The following NRXN1 variants were observed in gnomAD, a reference collection of about 807,000 sequenced individuals.
NRXN1 encodes the protein neurexin-1.
A neutral mutation model predicts 150.9 loss-of-function variants in NRXN1; 39 were observed. The ratio of observed to expected loss-of-function variants is 0.26; its 90% CI spans 0.20 to 0.34. NRXN1 has a LOEUF of 0.34. Among genes scored for constraint, NRXN1 ranks in the 10% least tolerant of loss-of-function variants. NRXN1 has a pLI of 1.00. For synonymous variants in NRXN1, 924 were observed against 757.0 expected (o/e 1.22, Z -3.62); for missense variants, 1,815 against 1,949.9 (o/e 0.93, Z 1.30).
chr2:50,881,337 T>G (rs1180233061), intron 5 of NRXN1, among the ~76,000 whole-genome samples: 3 of 151,930 alleles, frequency 2.0e-5, no homozygotes, highest in African/African-American at 7.2e-5. Flanking sequence ...ATATACACAT[T>G]TCTCCCTTGT....
intron 5 of NRXN1, among the ~76,000 whole-genome samples, chr2:50,882,975 T>G (rs533429838): frequency 1.3e-5 from 2 of 151,956 alleles, no homozygotes; most frequent in African/African-American, 4.8e-5. Context: ...CATACATATT[T>G]GGTAACAGAC....
intron 5 of NRXN1, among the ~76,000 whole-genome samples, chr2:50,635,874 G>A (rs902649471): frequency 6.6e-6 from 1 of 152,132 alleles, no homozygotes; most frequent in African/African-American, 2.4e-5. Context: ...CATTTACAAT[G>A]AAGGCTACTT....
intron 2 of NRXN1, among the ~76,000 whole-genome samples, chr2:50,942,709 T>C (rs141457937): frequency 6.6e-6 from 1 of 152,206 alleles, no homozygotes; most frequent in Non-Finnish European, 1.5e-5. Context: ...AAACTTCCAT[T>C]GTATCTTGAA....
intron 5 of NRXN1, among the ~76,000 whole-genome samples, chr2:50,899,306 T>G (rs1386045678): frequency 6.6e-6 from 1 of 152,188 alleles, no homozygotes; most frequent in Non-Finnish European, 1.5e-5. Flanking sequence ...TTGAAAACGT[T>G]ATCAGATAAA....
At chr2:50,192,518 C>A (rs1401215826) in intron 18 of NRXN1, among the ~76,000 whole-genome samples, 2 of 147,366 alleles carry the variant, frequency 1.4e-5, no homozygotes, top group Admixed American at 1.4e-4. Flanking sequence ...TAGCAGGTTA[C>A]AAAATAGTTT....
At chr2:50,763,616 C>T (rs918910695) in intron 5 of NRXN1, among the ~76,000 whole-genome samples, 6 of 151,806 alleles carry the variant, frequency 4.0e-5, no homozygotes, top group African/African-American at 1.2e-4. Flanking sequence ...TTCTGCTCTC[C>T]AGCCAACTTG....
At position 50,506,527 on chromosome 2, in the gene NRXN1, T is replaced by G. The variant is rs749919086; in HGVS notation, c.2465A>C (p.Lys822Thr). The G allele has an allele frequency of 6.2e-7, 1 of 1,612,932 alleles. No homozygotes were observed. The highest frequency in any genetic ancestry group is 1.1e-5 in the South Asian group (1 of 90,992). ...GGCCTGTTGGTCATCCACTGTTAAC[T>G]TTAAACTTTTTCCACGCCGAACTAC... ...VRVVRRGKSL[K>T]LTVDDQQAMT... The change falls in exon 13 of 23, where the codon AAG becomes ACG. Residue 822 changes from lysine to threonine, a missense_variant. Physicochemically the swap from Lys to Thr is moderately conservative, Grantham distance 78 (BLOSUM62 -1). Coordinates refer to ENST00000401669, the MANE Select transcript of NRXN1 (RefSeq NM_001330078.2).
Position 51,027,967 on chromosome 2 carries a change from G to C in NRXN1, c.307C>G (p.Leu103Val). The C allele has an allele frequency of 6.2e-7, 1 of 1,602,130 alleles. No homozygotes were observed. Among genetic ancestry groups the C allele is most frequent in the Non-Finnish European group, 8.5e-7 (1 of 1,179,426 alleles). The change falls in exon 2 of 23, where the codon CTC becomes GTC. Residue 103 changes from leucine to valine, a missense_variant. By Grantham distance (32) the Leu-to-Val change is conservative (BLOSUM62 1). Transcript: ENST00000401669. ...TCGTTAACCGGCGTGTCGGCCAGGA[G>C]CGTCGCAGGCTCAGCGCAGAAGATG... ...FSIFCAEPAT[L>V]LADTPVNDGA...
At chr2:50,164,282 TC>T (rs1015303720) in intron 18 of NRXN1, among the ~76,000 whole-genome samples, 1 of 152,138 alleles carries the variant, frequency 6.6e-6, no homozygotes, top group Non-Finnish European at 1.5e-5. Context: ...CACTCTCTGC[TC>T]CCCAAGTTAA....
At chr2:50,313,945 A>G (rs1458609685) in intron 17 of NRXN1, among the ~76,000 whole-genome samples, 1 of 152,132 alleles carries the variant, frequency 6.6e-6, no homozygotes, top group Non-Finnish European at 1.5e-5. Context: ...AGCACAGTAT[A>G]CAAGGAATTT....
At chr2:50,452,688 G>T (rs1439199164) in intron 17 of NRXN1, among the ~76,000 whole-genome samples, 1 of 152,196 alleles carries the variant, frequency 6.6e-6, no homozygotes, top group African/African-American at 2.4e-5. Flanking sequence ...CAACGAAAAA[G>T]AATGTCATGT....
At chr2:49,926,342 G>A in intron 22 of NRXN1, 1 of 398,394 alleles carries the variant, frequency 2.5e-6, no homozygotes, top group East Asian at 3.6e-5. Flanking sequence ...TCTAGCATTT[G>A]GTAAGATACG....
chr2:50,262,959 C>T (rs569557395), intron 17 of NRXN1, among the ~76,000 whole-genome samples: 1 of 151,950 alleles, frequency 6.6e-6, no homozygotes, highest in East Asian at 1.9e-4. Context: ...ATTACTCATT[C>T]CCTGGTAGAT....
rs1189817585 is a variant in NRXN1 at position 49,920,242 on chromosome 2, T to C, written c.*1702A>G. On this transcript the variant is annotated 3_prime_UTR_variant, in exon 23 of 23. Coordinates refer to ENST00000401669, the MANE Select transcript of NRXN1 (RefSeq NM_001330078.2). ...AACATAGTCAATAATTAACAGAGAA[T>C]GATTTTTTAAGTGGGTAGTAATACA... 6.6e-6 allele frequency: 1 copy of C among 152,246 alleles called. No individual in the cohort carries two copies. Among genetic ancestry groups the C allele is most frequent in the Admixed American group, 6.5e-5 (1 of 15,274 alleles). 9.4% of individuals were successfully genotyped at this position (152,246 alleles called of 1,614,324 possible). A position where few individuals can be genotyped will look rare whatever the true frequency, so the allele number is the denominator to read the frequency against.
chr2:50,186,257 C>A (rs2061064526), intron 18 of NRXN1, among the ~76,000 whole-genome samples: 1 of 152,016 alleles, frequency 6.6e-6, no homozygotes, highest in African/African-American at 2.4e-5. Context: ...ACAAGGGAAT[C>A]TTTACTTTGC....
At chr2:50,339,618 G>T (rs1487118246) in intron 17 of NRXN1, among the ~76,000 whole-genome samples, 1 of 152,182 alleles carries the variant, frequency 6.6e-6, no homozygotes, top group Non-Finnish European at 1.5e-5. Context: ...TTAAAAGGAA[G>T]TCTGTACAGG....
intron 8 of NRXN1, among the ~76,000 whole-genome samples, chr2:50,604,759 T>C (rs1416224881): frequency 6.6e-6 from 1 of 152,194 alleles, no homozygotes; most frequent in Non-Finnish European, 1.5e-5. Flanking sequence ...ATCTCTCTTA[T>C]AGAACCTGTT....
At chr2:51,016,456 C>A (rs1416909029) in intron 2 of NRXN1, among the ~76,000 whole-genome samples, 2 of 152,164 alleles carry the variant, frequency 1.3e-5, no homozygotes, top group Non-Finnish European at 2.9e-5. Flanking sequence ...TATGAACAGA[C>A]ACTTTTCAAA....
intron 5 of NRXN1, chr2:50,656,213 C>T (rs1019137492): frequency 2.4e-5 from 13 of 545,612 alleles, no homozygotes; most frequent in African/African-American, 2.3e-4. Flanking sequence ...CACACAAAAG[C>T]AAAGTGATCT....
Sources: allele counts gnomAD v4.1 joint callset (sites outside exome capture counted in the v4.1 genomes callset), GRCh38; gene constraint gnomAD v4.1.1; transcripts MANE v1.5; gene names NCBI Gene and HGNC (gene_info 2026-07-23, HGNC 2026-07-21).